Variants in MAGI1 observed in about 807,000 individuals in gnomAD.
MAGI1 encodes the protein membrane-associated guanylate kinase, WW and PDZ domain-containing protein 1.
MAGI1 carries 58 observed loss-of-function variants against 139.9 expected under a neutral mutation model. The observed-to-expected ratio is 0.41, with a 90% CI of 0.34 to 0.52. The LOEUF (loss-of-function observed/expected upper bound fraction) is 0.52, where lower values mean the gene tolerates loss of function less well. Ranked by LOEUF, MAGI1 falls within the 20% of genes least tolerant of loss-of-function variation. The pLI, the probability that MAGI1 is intolerant of heterozygous loss-of-function variation, is 0.12. For synonymous variants in MAGI1, 812 were observed against 737.9 expected, an observed-to-expected ratio of 1.10 and a Z score of -1.63; for missense variants, 1,874 against 1,901.6, an observed-to-expected ratio of 0.99 and a Z score of 0.27.
rs565532629 is a variant in MAGI1, at chr3:66,003,155, T to C, written c.313+34841A>G. ...CTGTGAAGATGAACAGGGCAGTTGG[T>C]GCAAAACTACAAAGCCCTTTCCCCT... is the stretch of plus-strand genomic sequence containing the variant. On this transcript the variant is annotated intron_variant, in intron 1 of 22. Coordinates refer to ENST00000402939, the MANE Select transcript of MAGI1 (RefSeq NM_001033057.2). 1.8e-4 allele frequency among the ~76,000 whole-genome samples: 28 copies of C among 152,216 alleles called. No homozygotes were observed. In the South Asian group the frequency reaches 5.8e-3, roughly 32 times the overall value.
chr3:66,000,036 G>A (rs186635272), intron 1 of MAGI1, among the ~76,000 whole-genome samples: 1 of 147,068 alleles, frequency 6.8e-6, no homozygotes, highest in Non-Finnish European at 1.5e-5. Flanking sequence ...GCAGTGGCGC[G>A]AACTAGGCTC....
intron 1 of MAGI1, among the ~76,000 whole-genome samples, chr3:66,013,446 AC>A (rs1215805238): frequency 4.0e-5 from 6 of 149,700 alleles, no homozygotes; most frequent in African/African-American, 1.5e-4. Flanking sequence ...CTTCAATCCA[AC>A]TACCTTGGAA....
chr3:65,740,912 C>T (rs964403312), intron 1 of MAGI1, among the ~76,000 whole-genome samples: 1 of 152,164 alleles, frequency 6.6e-6, no homozygotes, highest in African/African-American at 2.4e-5. Flanking sequence ...ACTTTGAGAT[C>T]ACTATTTTTC....
At chr3:65,403,233 T>C (rs1319562391) in intron 12 of MAGI1, among the ~76,000 whole-genome samples, 1 of 152,124 alleles carries the variant, frequency 6.6e-6, no homozygotes, top group East Asian at 1.9e-4. Context: ...GTTACTCAAA[T>C]GTCTACACCT....
At chr3:65,479,965 A>C (rs151138802) in intron 3 of MAGI1, among the ~76,000 whole-genome samples, 24 of 152,144 alleles carry the variant, frequency 1.6e-4, no homozygotes, top group Non-Finnish European at 1.0e-4. Flanking sequence ...CATCTTTTAG[A>C]GTAAGGCCAG....
rs1950486900 is a variant in MAGI1 at position 65,470,432 on chromosome 3, A to G, written c.810T>C (p.Pro270=). 1.9e-6 allele frequency: 3 copies of G among 1,613,790 alleles called. No individual in the cohort carries two copies. Among genetic ancestry groups the G allele is most frequent in the Non-Finnish European group, 2.5e-6 (3 of 1,179,908 alleles). ...GAGCAGCGATGATGCTACTATTCAC[A>G]GGTGGTAATGCTGTTTCTTGGAGAG... ...EHTLQETALP[P]VNSSIIAAPI... The change falls in exon 5 of 23, where the codon CCT becomes CCC. Residue 270 remains proline, a synonymous_variant. Coordinates refer to ENST00000402939, the MANE Select transcript of MAGI1 (RefSeq NM_001033057.2).
chr3:65,514,086 G>A (rs2077736273), intron 2 of MAGI1, among the ~76,000 whole-genome samples: 1 of 147,182 alleles, frequency 6.8e-6, no homozygotes, highest in Non-Finnish European at 1.5e-5. Flanking sequence ...AAATGGTGCT[G>A]GGAAAATTGG....
intron 18 of MAGI1, among the ~76,000 whole-genome samples, chr3:65,375,073 A>G (rs1403689358): frequency 6.6e-6 from 1 of 152,030 alleles, no homozygotes; most frequent in Non-Finnish European, 1.5e-5. Flanking sequence ...AATACAGCTC[A>G]TATTATACAT....
chr3:65,831,710 T>G (rs2042539751), intron 1 of MAGI1, among the ~76,000 whole-genome samples: 1 of 152,164 alleles, frequency 6.6e-6, no homozygotes, highest in Non-Finnish European at 1.5e-5. Context: ...TTTTTGCAAA[T>G]ATTTAAAAAG....
At chr3:65,681,970 G>T (rs574183778) in intron 1 of MAGI1, among the ~76,000 whole-genome samples, 1 of 152,162 alleles carries the variant, frequency 6.6e-6, no homozygotes, top group South Asian at 2.1e-4. Flanking sequence ...TGCATAGCTA[G>T]GATTACACAC....
chr3:65,725,218 T>G (rs934689379), intron 1 of MAGI1, among the ~76,000 whole-genome samples: 3 of 152,174 alleles, frequency 2.0e-5, no homozygotes, highest in Non-Finnish European at 4.4e-5. Context: ...GTTAAGTGCA[T>G]GGACTCTGGA....
chr3:65,440,646 T>A (rs910493669), intron 8 of MAGI1, among the ~76,000 whole-genome samples: 2 of 152,084 alleles, frequency 1.3e-5, no homozygotes, highest in Admixed American at 1.3e-4. Context: ...CTGTTAACTA[T>A]TTTGATCACT....
intron 1 of MAGI1, among the ~76,000 whole-genome samples, chr3:65,799,662 G>C (rs12629539): frequency 0.29 from 44,336 of 152,012 alleles, 7,090 homozygotes; most frequent in African/African-American, 0.42. Context: ...GGTCTTGGAA[G>C]ATATCTCCTG....
At chr3:65,856,904 A>G (rs150690013) in intron 1 of MAGI1, among the ~76,000 whole-genome samples, 94 of 152,326 alleles carry the variant, frequency 6.2e-4, no homozygotes, top group African/African-American at 2.2e-3. Context: ...CAAATCGCCC[A>G]TGGATCCAGA....
chr3:65,442,927 C>G (rs1948444378), intron 7 of MAGI1, 78 bp from the exon 8 acceptor site: 1 of 1,041,524 alleles, frequency 9.6e-7, no homozygotes, highest in African/African-American at 1.6e-5. Flanking sequence ...CTGAGTTAGG[C>G]AAAAAGAGAA....
At chr3:65,798,424 G>C (rs1429629371) in intron 1 of MAGI1, among the ~76,000 whole-genome samples, 1 of 152,124 alleles carries the variant, frequency 6.6e-6, no homozygotes, top group African/African-American at 2.4e-5. Context: ...AGGACCCATG[G>C]AGCAGACATC....
At chr3:65,806,776 T>C (rs2040885222) in intron 1 of MAGI1, among the ~76,000 whole-genome samples, 1 of 152,218 alleles carries the variant, frequency 6.6e-6, no homozygotes, top group Non-Finnish European at 1.5e-5. Flanking sequence ...ATACCATGCC[T>C]GGACCCTGTC....
At chr3:65,470,043 A>C (rs895770512) in intron 5 of MAGI1, 5 of 249,522 alleles carry the variant, frequency 2.0e-5, no homozygotes, top group Non-Finnish European at 3.8e-5. Context: ...ATATACCATA[A>C]TTTAGTTGTC....
intron 10 of MAGI1, among the ~76,000 whole-genome samples, chr3:65,432,470 C>T (rs2107355786): frequency 6.6e-6 from 1 of 152,248 alleles, no homozygotes; most frequent in South Asian, 2.1e-4. Flanking sequence ...TTTTTAATTG[C>T]ATATTTTAAA....
Sources: gnomAD v4.1 joint callset for allele counts (sites outside exome capture counted in the v4.1 genomes callset) on GRCh38, gnomAD v4.1.1 for gene constraint, MANE v1.5 for transcripts, NCBI Gene and HGNC (gene_info 2026-07-23, HGNC 2026-07-21) for gene names.